Variants in AGBL1 observed in about 807,000 individuals in gnomAD.
The protein encoded by AGBL1 is cytosolic carboxypeptidase 4.
Under a neutral mutation model 118.9 loss-of-function variants are expected in AGBL1, and 130 were observed. The ratio of observed to expected loss-of-function variants is 1.09; its 90% CI spans 0.95 to 1.26. The LOEUF (loss-of-function observed/expected upper bound fraction) is 1.26, where lower values mean the gene tolerates loss of function less well. AGBL1 is among the 50% of genes most tolerant of loss of function. The pLI is 0.00. For synonymous variants in AGBL1, 555 were observed against 478.9 expected, an observed-to-expected ratio of 1.16 and a Z score of -2.08; for missense variants, 1,584 against 1,298.1, an observed-to-expected ratio of 1.22 and a Z score of -3.38.
At chr15:86,485,367 T>C (rs545902105) in intron 18 of AGBL1, among the ~76,000 whole-genome samples, 1 of 150,286 alleles carries the variant, frequency 6.7e-6, no homozygotes, top group Non-Finnish European at 1.5e-5. Flanking sequence ...CCCATGATTT[T>C]TCACTGCTTA....
At chr15:86,518,066 G>A (rs534172917) in intron 18 of AGBL1, among the ~76,000 whole-genome samples, 1 of 152,278 alleles carries the variant, frequency 6.6e-6, no homozygotes, top group African/African-American at 2.4e-5. Context: ...ATCTAGCCTG[G>A]CATCATTCAT....
chr15:86,798,675 A>C (rs117550155), intron 22 of AGBL1, among the ~76,000 whole-genome samples: 1 of 150,776 alleles, frequency 6.6e-6, no homozygotes, highest in Non-Finnish European at 1.5e-5. Flanking sequence ...CAAACTTAGT[A>C]ACTTGTCCTG....
intron 15 of AGBL1, among the ~76,000 whole-genome samples, chr15:86,272,040 G>A (rs112421733): frequency 5.3e-5 from 8 of 152,212 alleles, no homozygotes; most frequent in South Asian, 4.2e-4. Context: ...ACTTATTTCC[G>A]CTGAACCCAG....
At chr15:86,761,931 T>C (rs1027989930) in intron 22 of AGBL1, among the ~76,000 whole-genome samples, 1 of 152,158 alleles carries the variant, frequency 6.6e-6, no homozygotes, top group South Asian at 2.1e-4. Flanking sequence ...TGAATGGTAT[T>C]GCCTAGATTT....
At position 86,188,587 on chromosome 15, in the gene AGBL1, G is replaced by A. The variant is rs955915276; in HGVS notation, c.488+29561G>A. Among the ~76,000 whole-genome samples the A allele has an allele frequency of 2.0e-5, 3 of 152,300 alleles. 1 individual carries two copies. The South Asian group carries it at 6.2e-4, about 32-fold the overall frequency. On this transcript the variant is annotated intron_variant, in intron 5 of 22. Coordinates refer to ENST00000614907, the MANE Select transcript of AGBL1 (RefSeq NM_001386094.1). The stretch of plus-strand genomic sequence containing the variant: ...TGTCCTGCACATCTTGAACACAACA[G>A]TGCTGAAAAGGGGTGTGATTTGCTT...
chr15:86,188,064 A>C (rs1371567440), intron 5 of AGBL1, among the ~76,000 whole-genome samples: 2 of 152,246 alleles, frequency 1.3e-5, no homozygotes, highest in Non-Finnish European at 2.9e-5. Flanking sequence ...AATGCTTAAT[A>C]GTAGCTACTG....
intron 21 of AGBL1, among the ~76,000 whole-genome samples, chr15:86,667,857 GT>G (rs1379668971): frequency 6.6e-6 from 1 of 152,162 alleles, no homozygotes; most frequent in African/African-American, 2.4e-5. Flanking sequence ...TTGTATTGCT[GT>G]AAGGGAATAC....
intron 3 of AGBL1, among the ~76,000 whole-genome samples, chr15:86,153,856 G>T (rs190354499): frequency 1.3e-4 from 20 of 152,024 alleles, no homozygotes; most frequent in African/African-American, 4.6e-4. Flanking sequence ...AGAAATTGCA[G>T]GTTAGCATTT....
At chr15:86,152,018 A>G (rs889248832) in intron 3 of AGBL1, among the ~76,000 whole-genome samples, 11 of 152,244 alleles carry the variant, frequency 7.2e-5, no homozygotes, top group African/African-American at 2.4e-4. Context: ...GAGATAAAAG[A>G]GGACACAAAC....
intron 17 of AGBL1, among the ~76,000 whole-genome samples, chr15:86,382,078 C>A (rs750257080): frequency 7.2e-5 from 11 of 152,246 alleles, no homozygotes; most frequent in Admixed American, 1.3e-4. Context: ...TCCCCCACCG[C>A]CCTGCCACAT....
chr15:86,630,561 C>G (rs778842564), intron 21 of AGBL1: 1 of 152,258 alleles, frequency 6.6e-6, no homozygotes, highest in African/African-American at 2.4e-5. Flanking sequence ...TGTGGCTCCA[C>G]AAGCTCTCAC....
intron 24 of AGBL1, among the ~76,000 whole-genome samples, chr15:87,008,279 C>A (rs1393118501): frequency 1.3e-5 from 2 of 152,128 alleles, no homozygotes; most frequent in African/African-American, 4.8e-5. Flanking sequence ...ATCATGGGGG[C>A]AGGTCTTTCC....
intron 3 of AGBL1, among the ~76,000 whole-genome samples, chr15:86,151,553 A>G (rs1328136629): frequency 6.6e-6 from 1 of 152,178 alleles, no homozygotes; most frequent in Admixed American, 6.5e-5. Flanking sequence ...TTTATGACAA[A>G]CCCACAGCCG....
chr15:86,965,202 G>T (rs544173214), intron 23 of AGBL1, among the ~76,000 whole-genome samples: 1 of 152,040 alleles, frequency 6.6e-6, no homozygotes, highest in African/African-American at 2.4e-5. Flanking sequence ...TTGAGGAATC[G>T]CCACACTCTC....
At chr15:86,452,643 C>CTGA (rs902584012) in intron 18 of AGBL1, among the ~76,000 whole-genome samples, 36 of 152,318 alleles carry the variant, frequency 2.4e-4, no homozygotes, top group African/African-American at 8.7e-4. Flanking sequence ...GCTCTCAACA[C>CTGA]AGAAGTACTT....
chr15:86,187,438 C>T (rs932810753), intron 5 of AGBL1, among the ~76,000 whole-genome samples: 1 of 152,128 alleles, frequency 6.6e-6, no homozygotes, highest in African/African-American at 2.4e-5. Context: ...ATTGAAAGCC[C>T]CTCAAACTAT....
chr15:86,749,969 C>A (rs989552044), intron 22 of AGBL1, among the ~76,000 whole-genome samples: 1 of 152,038 alleles, frequency 6.6e-6, no homozygotes, highest in Non-Finnish European at 1.5e-5. Flanking sequence ...GTCTAAAATT[C>A]TCTTTTTTTG....
intron 18 of AGBL1, among the ~76,000 whole-genome samples, chr15:86,425,659 T>G (rs2081857833): frequency 6.6e-6 from 1 of 152,184 alleles, no homozygotes; most frequent in African/African-American, 2.4e-5. Flanking sequence ...TCAGTTAAAC[T>G]TCTGGTAATT....
chr15:87,016,884 C>G (rs1034494219), intron 24 of AGBL1, among the ~76,000 whole-genome samples: 1 of 152,154 alleles, frequency 6.6e-6, no homozygotes, highest in Non-Finnish European at 1.5e-5. Flanking sequence ...GGGTCTGATA[C>G]AGAGAGCTGT....
Sources: gnomAD v4.1 joint callset for allele counts (sites outside exome capture counted in the v4.1 genomes callset) on GRCh38, gnomAD v4.1.1 for gene constraint, MANE v1.5 for transcripts, NCBI Gene and HGNC (gene_info 2026-07-23, HGNC 2026-07-21) for gene names.